The following KIAA0825 variants were observed in gnomAD, a reference collection of about 807,000 sequenced individuals.
KIAA0825 encodes the protein KIAA0825.
A neutral mutation model predicts 147.6 loss-of-function variants in KIAA0825; 119 were observed. The observed-to-expected ratio is 0.81, with a 90% confidence interval of 0.69 to 0.94. KIAA0825 has a LOEUF of 0.94. KIAA0825 is among the 40% of genes least tolerant of loss of function. The pLI is 0.00. For missense variants in KIAA0825, 1,381 were observed against 1,472.7 expected (o/e 0.94, Z 1.02); for synonymous variants, 470 against 518.1 (o/e 0.91, Z 1.26).
At chr5:94,243,267 G>T (rs891869974) in intron 20 of KIAA0825, among the ~76,000 whole-genome samples, 8 of 152,192 alleles carry the variant, frequency 5.3e-5, no homozygotes, top group African/African-American at 1.9e-4. Flanking sequence ...TGTGGGTTGA[G>T]AGGTAACAAC....
In KIAA0825 at chr5:94,521,066, A is replaced by G. The variant is rs1354381741; in HGVS notation, c.301-149T>C. ...TTTTTTTGCATTTGAAATTTAATCA[A>G]TTCAGATGTTTTAGAATGTTAGCTT... On this transcript the variant is annotated intron_variant, in intron 4 of 20. Transcript: ENST00000682413. 5.3e-6 allele frequency: 4 copies of G among 750,356 alleles called. No individual in the cohort carries two copies. In the Admixed American group the frequency reaches 9.1e-5, roughly 17 times the overall value. 46.5% of individuals were successfully genotyped at this position (750,356 alleles called of 1,614,324 possible). A position where few individuals can be genotyped will look rare whatever the true frequency, so the allele number is the denominator to read the frequency against.
chr5:94,546,109 G>A (rs573977770), intron 2 of KIAA0825, among the ~76,000 whole-genome samples: 3 of 152,306 alleles, frequency 2.0e-5, no homozygotes, highest in East Asian at 3.9e-4. Context: ...GGTGATTGTG[G>A]CCACAGAGTG....
intron 20 of KIAA0825, among the ~76,000 whole-genome samples, chr5:94,265,754 T>C: frequency 6.6e-6 from 1 of 152,158 alleles, no homozygotes; most frequent in Middle Eastern, 3.2e-3. Context: ...TGAGCCGAGA[T>C]TGCGCCATTG....
intron 3 of KIAA0825, among the ~76,000 whole-genome samples, chr5:94,531,395 C>T (rs1470404311): frequency 5.9e-5 from 9 of 152,074 alleles, no homozygotes; most frequent in Admixed American, 2.6e-4. Context: ...GAGTCTTTTT[C>T]CCACTTACCA....
intron 20 of KIAA0825, among the ~76,000 whole-genome samples, chr5:94,320,153 G>A (rs925502013): frequency 1.3e-5 from 2 of 151,768 alleles, no homozygotes; most frequent in Non-Finnish European, 2.9e-5. Context: ...ATCTGTATGG[G>A]CTTTACTTCA....
At chr5:94,545,641 G>A (rs1406430321) in intron 2 of KIAA0825, among the ~76,000 whole-genome samples, 1 of 152,126 alleles carries the variant, frequency 6.6e-6, no homozygotes, top group African/African-American at 2.4e-5. Flanking sequence ...TGATGAGAAG[G>A]ACCCAGTCCT....
chr5:94,408,435 T>C (rs1426974848), intron 15 of KIAA0825, among the ~76,000 whole-genome samples: 3 of 152,120 alleles, frequency 2.0e-5, no homozygotes, highest in East Asian at 3.8e-4. Context: ...CTGTAACTTC[T>C]GCCTCCTGGG....
At chr5:94,310,502 T>A (rs913360605) in intron 20 of KIAA0825, among the ~76,000 whole-genome samples, 1 of 151,760 alleles carries the variant, frequency 6.6e-6, no homozygotes, top group East Asian at 1.9e-4. Context: ...TTTTTGTTCT[T>A]AGTAAAATCA....
rs555708444 is a variant in KIAA0825 at position 94,356,755 on chromosome 5, C to T, written c.3710+27613G>A. On this transcript the variant is annotated intron_variant, in intron 20 of 20. Transcript: ENST00000682413. ...TTTTTTTTTTTTTGAGACGGAGTCT[C>T]GCTCTGTCGCCCACGCTGGAGTACA... Among the ~76,000 whole-genome samples, 5 of 74,144 alleles carry T rather than the reference C, an allele frequency of 6.7e-5. No individual in the cohort carries two copies. The South Asian group carries it at 1.8e-3, about 26-fold the overall frequency. The allele number at this position is 74,144 out of a possible 152,430, so 48.6% of individuals were successfully genotyped here. A position where few individuals can be genotyped will look rare whatever the true frequency, so the allele number is the denominator to read the frequency against.
At chr5:94,428,185 G>A (rs900704996) in intron 14 of KIAA0825, among the ~76,000 whole-genome samples, 10 of 141,872 alleles carry the variant, frequency 7.0e-5, no homozygotes, top group African/African-American at 2.6e-4. Flanking sequence ...GTGTGTGTGT[G>A]TGTGTGTGTT....
rs1584572361 is a variant in KIAA0825, at chr5:94,464,777, A to G, written c.2063+92T>C. 7 of 1,020,192 alleles carry G rather than the reference A, an allele frequency of 6.9e-6. No individual in the cohort carries two copies. In the East Asian group the frequency reaches 1.8e-4, roughly 27 times the overall value. The allele number at this position is 1,020,192 out of a possible 1,614,324, so 63.2% of individuals were successfully genotyped here. A position where few individuals can be genotyped will look rare whatever the true frequency, so the allele number is the denominator to read the frequency against. On this transcript the variant is annotated intron_variant, in intron 11 of 20. Transcript: ENST00000682413. Reference sequence around the variant, plus strand: ...CAGATGTTAGAAACATGTTAAATATATAAGGAGTATGTCATGAGATTCAGA... The same window carrying G: ...CAGATGTTAGAAACATGTTAAATATGTAAGGAGTATGTCATGAGATTCAGA...
intron 20 of KIAA0825, among the ~76,000 whole-genome samples, chr5:94,306,425 G>A (rs375979430): frequency 1.3e-5 from 2 of 151,784 alleles, no homozygotes; most frequent in East Asian, 1.9e-4. Context: ...TGAACTCCCT[G>A]AGAAAAATCC....
chr5:94,410,318 C>G (rs1220048710), intron 15 of KIAA0825, among the ~76,000 whole-genome samples: 1 of 151,986 alleles, frequency 6.6e-6, no homozygotes, highest in East Asian at 1.9e-4. Context: ...AAGAATACAG[C>G]CTCACTGACC....
At chr5:94,326,414 T>C (rs1430932362) in intron 20 of KIAA0825, among the ~76,000 whole-genome samples, 6 of 152,174 alleles carry the variant, frequency 3.9e-5, no homozygotes, top group Non-Finnish European at 8.8e-5. Context: ...AGCTAAAGTA[T>C]AGTGGTAAGA....
At chr5:94,250,989 T>C (rs1440733944) in intron 20 of KIAA0825, among the ~76,000 whole-genome samples, 2 of 152,118 alleles carry the variant, frequency 1.3e-5, no homozygotes, top group Non-Finnish European at 2.9e-5. Context: ...TTTAATTTGG[T>C]TCAGAAGTGT....
rs142561531 is a variant in KIAA0825, at chr5:94,603,856, C to T, written c.-153+14644G>A. On this transcript the variant is annotated intron_variant, in intron 1 of 20. Transcript: ENST00000682413. The stretch of plus-strand genomic sequence containing the variant: ...GGACATTACATAATGGTAAAGGGTT[C>T]GATTCAATAAGAAGAGCTAAATACC... Among the ~76,000 whole-genome samples the T allele has an allele frequency of 3.0e-4, 46 of 152,206 alleles. No individual in the cohort carries two copies. In the East Asian group the frequency reaches 7.0e-3, roughly 23 times the overall value.
chr5:94,328,921 T>C (rs1481332401), intron 20 of KIAA0825, among the ~76,000 whole-genome samples: 2 of 152,114 alleles, frequency 1.3e-5, no homozygotes, highest in Admixed American at 1.3e-4. Flanking sequence ...CACATGTAGA[T>C]ATAAAGAAAT....
intron 20 of KIAA0825, among the ~76,000 whole-genome samples, chr5:94,166,504 GTTTTTTTT>G (rs535152982): frequency 2.0e-5 from 2 of 100,758 alleles, no homozygotes; most frequent in Non-Finnish European, 4.0e-5. Context: ...CCTCTTGGTT[GTTTTTTTT>G]TTTTTTTTTT....
At chr5:94,591,468 A>T (rs1045756616) in intron 1 of KIAA0825, among the ~76,000 whole-genome samples, 6 of 152,184 alleles carry the variant, frequency 3.9e-5, no homozygotes, top group African/African-American at 1.4e-4. Context: ...AAAACTATGA[A>T]AGCATGGGCA....
Sources: allele counts gnomAD v4.1 joint callset (sites outside exome capture counted in the v4.1 genomes callset), GRCh38; gene constraint gnomAD v4.1.1; transcripts MANE v1.5; gene names NCBI Gene and HGNC (gene_info 2026-07-23, HGNC 2026-07-21).